FREM1: variants seen among roughly 807,000 people sequenced by gnomAD.
The protein encoded by FREM1 is FRAS1-related extracellular matrix protein 1.
Under a neutral mutation model 210.1 loss-of-function variants are expected in FREM1, and 220 were observed. The observed-to-expected ratio is 1.05, with a 90% CI of 0.94 to 1.17. The LOEUF (loss-of-function observed/expected upper bound fraction) is 1.17, where lower values mean the gene tolerates loss of function less well. Among genes scored for constraint, FREM1 ranks in the 50% most tolerant of loss-of-function variants. FREM1 has a pLI of 0.00. For missense variants in FREM1, 3,454 were observed against 2,675.5 expected (o/e 1.29, Z -6.42); for synonymous variants, 1,189 against 980.2 (o/e 1.21, Z -3.98).
chr9:14,805,883 G>C (rs955568851), intron 18 of FREM1, among the ~76,000 whole-genome samples: 2 of 152,178 alleles, frequency 1.3e-5, no homozygotes, highest in East Asian at 3.9e-4. Context: ...TCTGGGACAC[G>C]TTTTGGCTTT....
intron 11 of FREM1, 65 bp downstream of exon 11, chr9:14,824,731 C>A (rs2130830141): frequency 9.7e-7 from 1 of 1,036,182 alleles, no homozygotes; most frequent in Non-Finnish European, 1.5e-6. Context: ...ATATATTGCT[C>A]TATATTGACA....
intron 1 of FREM1, among the ~76,000 whole-genome samples, chr9:14,879,715 T>A (rs987252025): frequency 2.2e-4 from 33 of 151,936 alleles, no homozygotes; most frequent in Non-Finnish European, 2.9e-5. Context: ...TCAGAAAAAA[T>A]AAAATGGAGA....
intron 10 of FREM1, among the ~76,000 whole-genome samples, chr9:14,832,309 G>A (rs898590138): frequency 6.6e-6 from 1 of 152,126 alleles, no homozygotes; most frequent in Non-Finnish European, 1.5e-5. Flanking sequence ...ACCCTAATAG[G>A]TATATAGAAG....
intron 3 of FREM1, among the ~76,000 whole-genome samples, chr9:14,860,790 C>CATATATACACACATATAT: frequency 9.7e-6 from 1 of 102,922 alleles, no homozygotes; most frequent in African/African-American, 4.4e-5. Context: ...TACATATATA[C>CATATATACACACATATAT]ATATATACAC....
In FREM1 at chr9:14,851,590, C is replaced by G. The variant is rs1383193450; in HGVS notation, c.846G>C (p.Leu282=). 6.8e-6 allele frequency: 11 copies of G among 1,612,958 alleles called. No homozygotes were observed. Among genetic ancestry groups the G allele is most frequent in the East Asian group, 2.2e-5 (1 of 44,898 alleles). The change falls in exon 6 of 37, where the codon CTG becomes CTC. Residue 282 remains leucine (L), a synonymous_variant. Transcript: ENST00000380880. ...KIVYKSESAW[L]PVYIRAGIPN... is the part of the protein sequence containing the mutation. ...GAATTCCAGCTCTGATATAGACAGG[C>G]AGCCACGCACTCTCTGACTTTTGAA...
At chr9:14,775,095 T>C (rs1013679605) in intron 25 of FREM1, among the ~76,000 whole-genome samples, 3 of 152,232 alleles carry the variant, frequency 2.0e-5, no homozygotes, top group Non-Finnish European at 2.9e-5. Flanking sequence ...GGCCATATAC[T>C]ACTGCTTTGG....
intron 10 of FREM1, among the ~76,000 whole-genome samples, chr9:14,840,358 T>A (rs894197385): frequency 5.9e-5 from 9 of 152,302 alleles, no homozygotes; most frequent in African/African-American, 1.9e-4. Context: ...GATAAAGACA[T>A]ACCTGAGACT....
At chr9:14,872,449 T>C (rs1460133194) in intron 1 of FREM1, among the ~76,000 whole-genome samples, 1 of 152,236 alleles carries the variant, frequency 6.6e-6, no homozygotes, top group East Asian at 1.9e-4. Context: ...GGGACTTCAC[T>C]CATGACTTGG....
chr9:14,739,443 A>T (rs1257020137), intron 36 of FREM1, among the ~76,000 whole-genome samples: 1 of 69,014 alleles, frequency 1.4e-5, no homozygotes, highest in Non-Finnish European at 2.6e-5. Flanking sequence ...ATTTCTAATT[A>T]TTTGGAATAT....
intron 1 of FREM1, among the ~76,000 whole-genome samples, chr9:14,890,972 T>A (rs1454002683): frequency 6.6e-6 from 1 of 152,234 alleles, no homozygotes; most frequent in South Asian, 2.1e-4. Flanking sequence ...TTTAATTGAA[T>A]AACTTAAGCA....
intron 25 of FREM1, among the ~76,000 whole-genome samples, chr9:14,772,986 C>T (rs1847862697): frequency 6.6e-6 from 1 of 152,184 alleles, no homozygotes; most frequent in South Asian, 2.1e-4. Flanking sequence ...ACGGTCCCGT[C>T]ATGTCTCTGG....
At chr9:14,886,974 T>C (rs556496160) in intron 1 of FREM1, among the ~76,000 whole-genome samples, 23 of 151,456 alleles carry the variant, frequency 1.5e-4, no homozygotes, top group African/African-American at 5.6e-4. Flanking sequence ...AAAATTTTCA[T>C]ACAAATGAAT....
At chr9:14,841,370 G>T (rs1369051615) in intron 10 of FREM1, 77 bp downstream of exon 10, 3 of 1,201,114 alleles carry the variant, frequency 2.5e-6, no homozygotes, top group South Asian at 2.1e-5. Flanking sequence ...CTATTTTCAT[G>T]TGGTTTCTAA....
chr9:14,774,514 TC>T, intron 25 of FREM1, among the ~76,000 whole-genome samples: 1 of 2,256 alleles, frequency 4.4e-4, no homozygotes, highest in Non-Finnish European at 1.1e-3. Flanking sequence ...AAAATAAATC[TC>T]TCTCTCTCTC....
intron 5 of FREM1, among the ~76,000 whole-genome samples, chr9:14,855,574 C>T (rs1828580722): frequency 1.3e-5 from 2 of 151,008 alleles, no homozygotes; most frequent in Admixed American, 6.6e-5. Context: ...CTCTGGCATG[C>T]ACTCATGCAC....
rs761715005 is a variant in FREM1 at position 14,776,108 on chromosome 9, T to G, written c.4538A>C (p.Lys1513Thr). The change falls in exon 25 of 37, where the codon AAG becomes ACG. Residue 1513 changes from lysine to threonine, a missense_variant. By Grantham distance (78) the Lys-to-Thr change is moderately conservative. Transcript: ENST00000380880. Reference protein sequence around the residue: ...DRALPVVTRNKGLRLAQGAVG... With the variant: ...DRALPVVTRNTGLRLAQGAVG... ...GGCCCCTTGGGCCAGTCTCAACCCC[T>G]TGTTCCTGGTTACCACAGGCAGGGC... 1 of 1,602,020 alleles carries G rather than the reference T, an allele frequency of 6.2e-7. No homozygotes were observed. Among genetic ancestry groups the G allele is most frequent in the Non-Finnish European group, 8.5e-7 (1 of 1,172,678 alleles).
chr9:14,871,583 A>C (rs1564134459), intron 1 of FREM1, among the ~76,000 whole-genome samples: 2 of 151,808 alleles, frequency 1.3e-5, no homozygotes, highest in African/African-American at 4.8e-5. Context: ...GGTTGCGAAA[A>C]TTTTCTCCCA....
At chr9:14,891,507 G>A (rs1588622782) in intron 1 of FREM1, among the ~76,000 whole-genome samples, 1 of 152,334 alleles carries the variant, frequency 6.6e-6, no homozygotes, top group Non-Finnish European at 1.5e-5. Flanking sequence ...CAGGAGGATT[G>A]CTTGAGCCAG....
chr9:14,747,173 A>G, intron 33 of FREM1, 91 bp downstream of exon 33: 2 of 1,573,676 alleles, frequency 1.3e-6, no homozygotes, highest in Non-Finnish European at 1.7e-6. Context: ...TATCCCCCCA[A>G]CCTTGGAGGC....
Sources: gnomAD v4.1 joint callset for allele counts (sites outside exome capture counted in the v4.1 genomes callset) on GRCh38, gnomAD v4.1.1 for gene constraint, MANE v1.5 for transcripts, NCBI Gene and HGNC (gene_info 2026-07-23, HGNC 2026-07-21) for gene names.